TPGS2: variants seen among roughly 807,000 people sequenced by gnomAD.
The protein encoded by TPGS2 is polyglutamylase subunit 2.
A neutral mutation model predicts 31.1 loss-of-function variants in TPGS2; 26 were observed. The observed-to-expected ratio is 0.84, with a 90% CI of 0.61 to 1.16. The LOEUF is 1.16. Ranked by LOEUF, TPGS2 falls within the 50% of genes most tolerant of loss-of-function variation. The pLI, the probability that TPGS2 is intolerant of heterozygous loss-of-function variation, is 0.00. For missense variants in TPGS2, 351 were observed against 363.8 expected, an observed-to-expected ratio of 0.96 and a Z score of 0.29; for synonymous variants, 130 against 136.6, an observed-to-expected ratio of 0.95 and a Z score of 0.34.
chr18:36,821,684 G>A (rs1473899694), intron 1 of TPGS2, among the ~76,000 whole-genome samples: 2 of 152,188 alleles, frequency 1.3e-5, no homozygotes, highest in African/African-American at 4.8e-5. Context: ...TGTTAAACTA[G>A]GTGACATTGA....
chr18:36,791,281 G>A (rs1418668834), downstream of TPGS2, among the ~76,000 whole-genome samples: 1 of 152,210 alleles, frequency 6.6e-6, no homozygotes, highest in Non-Finnish European at 1.5e-5. Flanking sequence ...GCTTTAGGTA[G>A]TTCTTTATAG....
At chr18:36,790,541 G>A (rs79379883), downstream of TPGS2, among the ~76,000 whole-genome samples, 6,049 of 152,272 alleles carry the variant, frequency 0.04, 413 homozygotes, top group African/African-American at 0.14. Context: ...TACACTGTCC[G>A]ATAAGAGTTT....
chr18:36,800,980 G>A (rs1411399380), intron 4 of TPGS2, among the ~76,000 whole-genome samples: 1 of 152,150 alleles, frequency 6.6e-6, no homozygotes, highest in Non-Finnish European at 1.5e-5. Flanking sequence ...ACGAGCCACC[G>A]CGCCCGGTCA....
Position 36,825,391 on chromosome 18 carries a change from C to A in TPGS2, c.85+3292G>T, listed in dbSNP as rs531254562. ...AGCTTGCAGCGAGTGAAGAGCACAC[C>A]ACTGCACTCCAGCCTGGGCGACAGA... is the stretch of plus-strand genomic sequence containing the variant. On this transcript the variant is annotated intron_variant, in intron 1 of 6. Coordinates refer to ENST00000334295, the MANE Select transcript of TPGS2 (RefSeq NM_015476.4). 1.1e-4 allele frequency among the ~76,000 whole-genome samples: 16 copies of A among 146,062 alleles called. No individual in the cohort carries two copies. The South Asian group carries it at 3.4e-3, about 31-fold the overall frequency.
intron 5 of TPGS2, among the ~76,000 whole-genome samples, chr18:36,799,605 G>C (rs2044704541): frequency 6.6e-6 from 1 of 152,168 alleles, no homozygotes; most frequent in Admixed American, 6.5e-5. Context: ...TCCTCTGGCT[G>C]GATGATTTCT....
chr18:36,815,731 A>G (rs551244071), intron 2 of TPGS2, among the ~76,000 whole-genome samples: 49 of 152,342 alleles, frequency 3.2e-4, no homozygotes, highest in Non-Finnish European at 2.2e-4. Context: ...AGGCTATCTT[A>G]TCTTCCAAGC....
rs773130142 is a variant in TPGS2, at chr18:36,795,017, A to G, written c.*1788T>C. 1.0e-6 allele frequency: 1 copy of G among 985,442 alleles called. No individual in the cohort carries two copies. The highest frequency in any genetic ancestry group is 1.2e-6 in the Non-Finnish European group (1 of 829,940). The allele number at this position is 985,442 out of a possible 1,614,324, so 61.0% of individuals were successfully genotyped here. On this transcript the variant is annotated 3_prime_UTR_variant, in exon 7 of 7. Transcript: ENST00000334295. ...TGCTCCCAAAGACTCTTAAGCGCTG[A>G]TATTTCAAGACTTTGAACTATTACA... is the stretch of plus-strand genomic sequence containing the variant.
intron 1 of TPGS2, among the ~76,000 whole-genome samples, chr18:36,819,314 T>A (rs895066683): frequency 7.2e-5 from 11 of 152,202 alleles, no homozygotes; most frequent in African/African-American, 2.7e-4. Flanking sequence ...ATACTCAGGA[T>A]AAAGTGAAAA....
intron 5 of TPGS2, 149 bp downstream of exon 5, chr18:36,800,049 C>A: frequency 1.5e-6 from 1 of 657,892 alleles, no homozygotes; most frequent in South Asian, 2.0e-5. Context: ...CAGAGAGAAC[C>A]AAAGGGGTTT....
At chr18:36,800,410 G>A in intron 4 of TPGS2, 99 bp from the exon 5 acceptor site, 1 of 966,674 alleles carries the variant, frequency 1.0e-6, no homozygotes, top group South Asian at 1.3e-5. Flanking sequence ...GAAGGAAAAA[G>A]CCTTATCTCA....
intron 1 of TPGS2, among the ~76,000 whole-genome samples, chr18:36,827,411 A>G (rs951769009): frequency 6.6e-6 from 1 of 152,262 alleles, no homozygotes; most frequent in Non-Finnish European, 1.5e-5. Context: ...AGAGATCTGA[A>G]TGACCTGAAG....
chr18:36,824,683 C>T (rs761668762), intron 1 of TPGS2, among the ~76,000 whole-genome samples: 3 of 152,156 alleles, frequency 2.0e-5, no homozygotes, highest in Admixed American at 6.5e-5. Context: ...GAAATGTCTA[C>T]CCTGATCCTT....
At chr18:36,810,529 A>G (rs1490898460) in intron 2 of TPGS2, among the ~76,000 whole-genome samples, 2 of 152,062 alleles carry the variant, frequency 1.3e-5, no homozygotes, top group Admixed American at 6.6e-5. Flanking sequence ...AGGGAGGAGG[A>G]AGATCGGCAG....
At chr18:36,827,255 A>G (rs952727067) in intron 1 of TPGS2, among the ~76,000 whole-genome samples, 2 of 152,246 alleles carry the variant, frequency 1.3e-5, no homozygotes, top group African/African-American at 4.8e-5. Flanking sequence ...AATTTTAAAA[A>G]TCAACCAAAC....
At chr18:36,781,199 A>T (rs1250952649), downstream of TPGS2, among the ~76,000 whole-genome samples, 2 of 152,172 alleles carry the variant, frequency 1.3e-5, no homozygotes, top group African/African-American at 4.8e-5. Context: ...TGAGACCCAG[A>T]TGGTGGTCAT....
chr18:36,794,130 A>T lies in TPGS2; in HGVS notation c.*2675T>A. On this transcript the variant is annotated 3_prime_UTR_variant, in exon 7 of 7. Coordinates refer to ENST00000334295, the MANE Select transcript of TPGS2 (RefSeq NM_015476.4). ...ATAGGAATTTAACATTTAAGTTTTT[A>T]GTTAGAACAGCATTAAGTAGCAAAT... 2 of 297,846 alleles carry T rather than the reference A, an allele frequency of 6.7e-6. No homozygotes were observed. The highest frequency in any genetic ancestry group is 9.9e-6 in the Non-Finnish European group (2 of 201,278). The allele number at this position is 297,846 out of a possible 1,614,324, so 18.5% of individuals were successfully genotyped here. A position where few individuals can be genotyped will look rare whatever the true frequency, so the allele number is the denominator to read the frequency against.
rs551893483 is a variant in TPGS2 at position 36,828,201 on chromosome 18, T to C, written c.85+482A>G. ...AAACAAGCAAGCAAACAAAGAAATG[T>C]TCGATAAAAGAAAAACTCTGAGTCA... On this transcript the variant is annotated intron_variant, in intron 1 of 6. Transcript: ENST00000334295. Among the ~76,000 whole-genome samples, 4 of 152,180 alleles carry C rather than the reference T, an allele frequency of 2.6e-5. No individual in the cohort carries two copies. In the East Asian group the frequency reaches 7.7e-4, roughly 29 times the overall value.
downstream of TPGS2, chr18:36,781,704 G>A: frequency 1.1e-6 from 1 of 937,416 alleles, no homozygotes; most frequent in Non-Finnish European, 1.3e-6. Context: ...TGATTTATAG[G>A]CAATGTGCAG....
At chr18:36,822,242 T>C (rs2045927410) in intron 1 of TPGS2, among the ~76,000 whole-genome samples, 1 of 152,160 alleles carries the variant, frequency 6.6e-6, no homozygotes, top group South Asian at 2.1e-4. Context: ...ACACTGCAAA[T>C]ATATTGTTGA....
Sources: allele counts gnomAD v4.1 joint callset (sites outside exome capture counted in the v4.1 genomes callset), GRCh38; gene constraint gnomAD v4.1.1; transcripts MANE v1.5; gene names NCBI Gene and HGNC (gene_info 2026-07-23, HGNC 2026-07-21).